The following DPP6 variants were observed in gnomAD, a reference collection of about 807,000 sequenced individuals.
The protein encoded by DPP6 is dipeptidyl peptidase like 6, also known as A-type potassium channel modulatory protein DPP6.
Under a neutral mutation model 122.6 loss-of-function variants are expected in DPP6, and 69 were observed. The observed-to-expected ratio is 0.56, with a 90% CI of 0.46 to 0.69. The LOEUF (loss-of-function observed/expected upper bound fraction) is 0.69, where lower values mean the gene tolerates loss of function less well. Ranked by LOEUF, DPP6 falls within the 30% of genes least tolerant of loss-of-function variation. DPP6 has a pLI of 0.00. For missense variants in DPP6, 928 were observed against 1,116.9 expected (o/e 0.83, Z 2.41); for synonymous variants, 418 against 433.1 (o/e 0.97, Z 0.43).
the DPP6 span, among the ~76,000 whole-genome samples, chr7:153,873,135 G>T: frequency 6.6e-6 from 1 of 152,204 alleles, no homozygotes; most frequent in African/African-American, 2.4e-5. Context: ...TGGTGAGGAA[G>T]AACACAAAGC....
the DPP6 span, among the ~76,000 whole-genome samples, chr7:153,796,637 G>A: frequency 6.6e-6 from 1 of 152,110 alleles, no homozygotes; most frequent in Admixed American, 6.5e-5. Flanking sequence ...AATATAACAC[G>A]TGGCACAAAG....
At chr7:154,685,544 G>C (rs1839548406) in intron 7 of DPP6, among the ~76,000 whole-genome samples, 1 of 152,104 alleles carries the variant, frequency 6.6e-6, no homozygotes, top group South Asian at 2.1e-4. Flanking sequence ...ACTGGGACTG[G>C]ATGACCTCTT....
rs1436636939 is a variant in DPP6, at chr7:154,833,326, G to A, written c.1667-20454G>A. 6.6e-6 allele frequency among the ~76,000 whole-genome samples: 1 copy of A among 152,158 alleles called. No individual in the cohort carries two copies. The highest frequency in any genetic ancestry group is 1.9e-4 in the East Asian group (1 of 5,178). The stretch of plus-strand genomic sequence containing the variant: ...CAAGGTGTTTAAGAAAGACCATAAG[G>A]GCTGTAGGAAGCCAAGAAAAGGAGT... On this transcript the variant is annotated intron_variant, in intron 16 of 25. Transcript: ENST00000377770. This position sits in a 1 kb window ranked among gnomAD's most constrained non-coding sequence, Gnocchi z 4.3.
chr7:153,749,839 T>C, the DPP6 span, among the ~76,000 whole-genome samples: 1 of 152,162 alleles, frequency 6.6e-6, no homozygotes, highest in Admixed American at 6.5e-5. This position sits in a 1 kb window ranked among gnomAD's most constrained non-coding sequence, Gnocchi z 4.1. Context: ...CTTTAAAATA[T>C]TTTCGAATAT....
At chr7:153,770,424 A>G in the DPP6 span, among the ~76,000 whole-genome samples, 1 of 152,174 alleles carries the variant, frequency 6.6e-6, no homozygotes. Flanking sequence ...CAAGGTACTG[A>G]TAAATCTGAG....
intron 20 of DPP6, among the ~76,000 whole-genome samples, chr7:154,879,036 A>AG (rs1805119793): frequency 6.6e-6 from 1 of 152,208 alleles, no homozygotes. Context: ...ACGCCAGGAC[A>AG]TCCATCCTTC....
At chr7:154,480,735 C>G (rs1322820068) in intron 3 of DPP6, among the ~76,000 whole-genome samples, 1 of 152,104 alleles carries the variant, frequency 6.6e-6, no homozygotes, top group Non-Finnish European at 1.5e-5. Flanking sequence ...TCTCAGATGT[C>G]TGAGAGACAT....
chr7:154,745,999 CA>C (rs1354971609), intron 8 of DPP6, among the ~76,000 whole-genome samples: 1 of 152,156 alleles, frequency 6.6e-6, no homozygotes, highest in Non-Finnish European at 1.5e-5. Context: ...ATAGCATTGG[CA>C]TCAAAGCTAG....
intron 1 of DPP6, among the ~76,000 whole-genome samples, chr7:154,303,072 C>T (rs1204242316): frequency 1.3e-5 from 2 of 152,242 alleles, no homozygotes; most frequent in African/African-American, 4.8e-5. Context: ...ACTTCCGCCC[C>T]TCAGGTTCAA....
At chr7:154,145,359 G>A (rs914446912) in intron 1 of DPP6, among the ~76,000 whole-genome samples, 10 of 152,198 alleles carry the variant, frequency 6.6e-5, no homozygotes, top group African/African-American at 1.4e-4. Flanking sequence ...AGAAAGACCC[G>A]AGTCCTACCA....
chr7:154,724,589 CAG>C (rs1429221509), intron 7 of DPP6, among the ~76,000 whole-genome samples: 2 of 152,172 alleles, frequency 1.3e-5, no homozygotes, highest in Non-Finnish European at 2.9e-5. Context: ...ACACCTCTGT[CAG>C]GGGCTTCCCA....
At chr7:154,646,761 G>A (rs532726929) in intron 6 of DPP6, among the ~76,000 whole-genome samples, 11 of 152,080 alleles carry the variant, frequency 7.2e-5, no homozygotes, top group Non-Finnish European at 1.2e-4. Flanking sequence ...TGTTGCACAG[G>A]GTGACACTGT....
Position 154,045,653 on chromosome 7 carries a change from A to C in DPP6, c.51+157919A>C, listed in dbSNP as rs528752450. Among the ~76,000 whole-genome samples the C allele has an allele frequency of 1.6e-3, 240 of 152,352 alleles. 2 individuals carry two copies. Among genetic ancestry groups the C allele is most frequent in the African/African-American group, 5.6e-3 (234 of 41,582 alleles). ...ACAGCTTTATTGTGAACACATTTGCAAGCTAGTGGTTTCTAACAGTCCTTT... is the reference window on the plus strand; with the variant it reads ...ACAGCTTTATTGTGAACACATTTGCCAGCTAGTGGTTTCTAACAGTCCTTT... On this transcript the variant is annotated intron_variant, in intron 1 of 25. Coordinates refer to the DPP6 transcript ENST00000404039.
intron 19 of DPP6, among the ~76,000 whole-genome samples, chr7:154,873,873 GGC>G (rs1804606173): frequency 3.0e-5 from 2 of 66,436 alleles, no homozygotes; most frequent in Non-Finnish European, 7.2e-5. Flanking sequence ...CACACCCACA[GGC>G]ACACACATGC....
the DPP6 span, among the ~76,000 whole-genome samples, chr7:153,756,475 C>T: frequency 3.9e-5 from 6 of 152,192 alleles, no homozygotes; most frequent in Admixed American, 6.5e-5. Flanking sequence ...CATCTGAGCA[C>T]GCAGTGAAGG....
intron 1 of DPP6, among the ~76,000 whole-genome samples, chr7:154,395,881 A>T (rs1815034933): frequency 6.7e-6 from 1 of 148,848 alleles, no homozygotes. Flanking sequence ...TATGATGTTC[A>T]CTCTGGGTTT....
chr7:154,836,829 C>T (rs1801088913), intron 16 of DPP6, among the ~76,000 whole-genome samples: 1 of 152,182 alleles, frequency 6.6e-6, no homozygotes, highest in Admixed American at 6.5e-5. Flanking sequence ...GCCTCAGCCT[C>T]CCAAGTAGCT....
intron 1 of DPP6, among the ~76,000 whole-genome samples, chr7:154,124,319 GC>G (rs1807719378): frequency 6.6e-6 from 1 of 152,178 alleles, no homozygotes; most frequent in Non-Finnish European, 1.5e-5. Flanking sequence ...GGGATGAGAA[GC>G]CAAATGGGTG....
chr7:154,539,043 C>T (rs1031471543), intron 3 of DPP6, among the ~76,000 whole-genome samples: 2 of 152,196 alleles, frequency 1.3e-5, no homozygotes, highest in Non-Finnish European at 2.9e-5. Flanking sequence ...AAAATCTACA[C>T]ATACTTAAAT....
Sources: gnomAD v4.1 joint callset for allele counts (sites outside exome capture counted in the v4.1 genomes callset) on GRCh38, gnomAD v4.1.1 for gene constraint, Gnocchi (gnomAD v3.1) non-coding constraint, MANE v1.5 for transcripts, NCBI Gene and HGNC (gene_info 2026-07-23, HGNC 2026-07-21) for gene names.